DGKB: variants seen among roughly 807,000 people sequenced by gnomAD.
The protein encoded by DGKB is 90 kDa diacylglycerol kinase.
In DGKB, 67 loss-of-function variants were observed where a neutral mutation model predicts 114.3. That is an observed-to-expected ratio of 0.59 (90% CI 0.48 to 0.72). The LOEUF (loss-of-function observed/expected upper bound fraction) is 0.72. Among genes scored for constraint, DGKB ranks in the 30% least tolerant of loss-of-function variants. DGKB has a pLI of 0.00. For missense variants in DGKB, 907 were observed against 975.2 expected, an observed-to-expected ratio of 0.93 and a Z score of 0.93; for synonymous variants, 398 against 323.1, an observed-to-expected ratio of 1.23 and a Z score of -2.49.
Position 14,661,155 on chromosome 7 carries a change from G to A in DGKB, c.1134+11774C>T, listed in dbSNP as rs181415139. 5.3e-4 allele frequency among the ~76,000 whole-genome samples: 80 copies of A among 151,954 alleles called. 1 individual carries two copies. Among genetic ancestry groups the A allele is most frequent in the East Asian group, 1.4e-3 (7 of 5,150 alleles). ...GGACATAGGCATGGGCAAGGACTTC[G>A]TGTCTAAAACACCAAAAGCAATGGC... On this transcript the variant is annotated intron_variant, in intron 13 of 25. Coordinates refer to ENST00000402815, the MANE Select transcript of DGKB (RefSeq NM_001350709.2).
chr7:14,645,780 C>T (rs79642933), intron 13 of DGKB, among the ~76,000 whole-genome samples: 1 of 151,528 alleles, frequency 6.6e-6, no homozygotes, highest in African/African-American at 2.4e-5. Flanking sequence ...TTTTCTCAGA[C>T]AAGCAAAAAC....
chr7:14,555,391 A>G (rs1049545533), intron 20 of DGKB, among the ~76,000 whole-genome samples: 1 of 152,200 alleles, frequency 6.6e-6, no homozygotes, highest in African/African-American at 2.4e-5. Flanking sequence ...CCATTGTAGG[A>G]CATTATTTCA....
At chr7:14,381,164 T>A (rs749676169) in intron 21 of DGKB, among the ~76,000 whole-genome samples, 1 of 152,226 alleles carries the variant, frequency 6.6e-6, no homozygotes, top group Admixed American at 6.5e-5. Flanking sequence ...TGTTGGAACC[T>A]GGCCTTCAAT....
chr7:14,847,770 A>G (rs933886630), intron 1 of DGKB, among the ~76,000 whole-genome samples: 1 of 152,266 alleles, frequency 6.6e-6, no homozygotes, highest in African/African-American at 2.4e-5. Flanking sequence ...AGCAATTCAG[A>G]AAGCCAGGTT....
intron 1 of DGKB, among the ~76,000 whole-genome samples, chr7:14,845,133 A>G (rs1432273576): frequency 7.2e-5 from 10 of 139,760 alleles, no homozygotes; most frequent in Non-Finnish European, 1.6e-4. Context: ...AAAAAAAAAA[A>G]AAAAAAGAAA....
At chr7:14,557,625 T>C (rs1475742279) in intron 20 of DGKB, among the ~76,000 whole-genome samples, 4 of 152,090 alleles carry the variant, frequency 2.6e-5, no homozygotes, top group African/African-American at 4.8e-5. Context: ...GTCCTCCATA[T>C]ACAGTTTTGC....
chr7:14,535,582 T>A (rs1004912318), intron 20 of DGKB, among the ~76,000 whole-genome samples: 1 of 152,106 alleles, frequency 6.6e-6, no homozygotes, highest in East Asian at 1.9e-4. Flanking sequence ...AGTTGCTTTT[T>A]ATTTATTTTT....
chr7:14,567,946 G>T (rs1023296532), intron 20 of DGKB, among the ~76,000 whole-genome samples: 1 of 151,544 alleles, frequency 6.6e-6, no homozygotes, highest in Non-Finnish European at 1.5e-5. Context: ...TAACCCTAGA[G>T]CCTGAAAAAA....
intron 2 of DGKB, among the ~76,000 whole-genome samples, chr7:14,759,191 C>G (rs753978530): frequency 5.3e-4 from 81 of 152,298 alleles, no homozygotes; most frequent in African/African-American, 1.7e-3. Context: ...ACCCAAAGAA[C>G]TGGGATTACA....
At chr7:14,842,403 C>A (rs1430238597) in intron 1 of DGKB, among the ~76,000 whole-genome samples, 1 of 152,142 alleles carries the variant, frequency 6.6e-6, no homozygotes, top group East Asian at 1.9e-4. Context: ...CTCGTGGGGT[C>A]ACGTCCCTGT....
chr7:14,532,522 A>T (rs1791763303), intron 20 of DGKB, among the ~76,000 whole-genome samples: 1 of 151,488 alleles, frequency 6.6e-6, no homozygotes, highest in Non-Finnish European at 1.5e-5. Context: ...ACTTTAAGTA[A>T]AAATAGTGTT....
chr7:14,282,630 C>T (rs1294118825), intron 23 of DGKB, among the ~76,000 whole-genome samples: 5 of 149,576 alleles, frequency 3.3e-5, no homozygotes, highest in African/African-American at 9.8e-5. Context: ...ACTGGCAAAC[C>T]GAATCCAGCA....
chr7:14,381,933 G>C (rs532856364), intron 21 of DGKB, among the ~76,000 whole-genome samples: 90 of 152,336 alleles, frequency 5.9e-4, no homozygotes, highest in African/African-American at 2.0e-3. Flanking sequence ...CAGAGCTCTA[G>C]TTCTTGATTC....
At chr7:14,550,181 CTATTA>C (rs1385510714) in intron 20 of DGKB, among the ~76,000 whole-genome samples, 3 of 151,852 alleles carry the variant, frequency 2.0e-5, no homozygotes, top group Non-Finnish European at 4.4e-5. Flanking sequence ...TGAAAAAATC[CTATTA>C]TATTCAATTT....
In DGKB at chr7:14,427,593, G is replaced by C. The variant is rs529480153; in HGVS notation, c.1835+50568C>G. ...ATCTGAGACAGGGTGATTTACAAAA[G>C]AAAGAGTTTTCTTTACAGTTCCACA... On this transcript the variant is annotated intron_variant, in intron 21 of 25. Transcript: ENST00000402815. Among the ~76,000 whole-genome samples, 118 of 152,250 alleles carry C rather than the reference G, an allele frequency of 7.8e-4. 1 individual carries two copies. The highest frequency in any genetic ancestry group is 6.8e-3 in the Middle Eastern group (2 of 294).
At chr7:14,877,880 A>G (rs1195575005) in intron 1 of DGKB, among the ~76,000 whole-genome samples, 3 of 152,216 alleles carry the variant, frequency 2.0e-5, no homozygotes, top group Non-Finnish European at 4.4e-5. Context: ...AAATTAAATC[A>G]AACTCCCAGC....
At chr7:14,172,911 TC>T (rs1781219274) in intron 25 of DGKB, among the ~76,000 whole-genome samples, 2 of 152,074 alleles carry the variant, frequency 1.3e-5, no homozygotes, top group Admixed American at 6.6e-5. Flanking sequence ...GACTACAGAA[TC>T]ATATGTTCTA....
intron 1 of DGKB, among the ~76,000 whole-genome samples, chr7:14,892,062 T>C (rs189009193): frequency 6.6e-6 from 1 of 151,522 alleles, no homozygotes; most frequent in Admixed American, 6.6e-5. Flanking sequence ...GCTATTTATA[T>C]TGTATACTAG....
intron 25 of DGKB, among the ~76,000 whole-genome samples, chr7:14,157,052 T>C (rs1202618392): frequency 6.6e-6 from 1 of 152,182 alleles, no homozygotes; most frequent in Non-Finnish European, 1.5e-5. Flanking sequence ...AAAAATTTTC[T>C]CCCTGCTTCA....
Sources: gnomAD v4.1 joint callset for allele counts (sites outside exome capture counted in the v4.1 genomes callset) on GRCh38, gnomAD v4.1.1 for gene constraint, MANE v1.5 for transcripts, NCBI Gene and HGNC (gene_info 2026-07-23, HGNC 2026-07-21) for gene names.